Variants in EIF3L observed in about 807,000 individuals in gnomAD.
EIF3L encodes the protein eIEF associated protein HSPC021.
EIF3L carries 32 observed loss-of-function variants against 74.6 expected under a neutral mutation model. The ratio of observed to expected loss-of-function variants is 0.43; its 90% CI spans 0.32 to 0.58. The LOEUF (loss-of-function observed/expected upper bound fraction) is 0.58. EIF3L is among the 20% of genes least tolerant of loss of function. The pLI is 0.06. For missense variants in EIF3L, 474 were observed against 707.8 expected (o/e 0.67, Z 3.75); for synonymous variants, 256 against 254.4 (o/e 1.01, Z -0.06).
chr22:37,876,197 AC>A, intron 10 of EIF3L, 186 bp downstream of exon 10: 1 of 593,290 alleles, frequency 1.7e-6, no homozygotes, highest in Non-Finnish European at 2.9e-6. Flanking sequence ...TGACGCAGTC[AC>A]AGCTCACGTC....
chr22:37,877,573 A>G, intron 10 of EIF3L, 101 bp from the exon 11 acceptor site: 2 of 1,376,546 alleles, frequency 1.5e-6, no homozygotes, highest in Non-Finnish European at 2.0e-6. Flanking sequence ...ACAACTGGGT[A>G]AGTCAAAGAT....
intron 3 of EIF3L, among the ~76,000 whole-genome samples, chr22:37,853,602 C>G (rs1021463383): frequency 2.6e-5 from 4 of 152,090 alleles, no homozygotes; most frequent in Admixed American, 6.6e-5. Flanking sequence ...GAGCGAGACC[C>G]TCTCTCAAAA....
At chr22:37,855,507 T>C in intron 3 of EIF3L, 58 bp from the exon 4 acceptor site, 1 of 1,483,874 alleles carries the variant, frequency 6.7e-7, no homozygotes, top group Non-Finnish European at 9.4e-7. Flanking sequence ...TGTAAAATGT[T>C]AGGATTGGCA....
intron 5 of EIF3L, among the ~76,000 whole-genome samples, chr22:37,862,717 G>A (rs1925922040): frequency 6.6e-6 from 1 of 152,008 alleles, no homozygotes; most frequent in African/African-American, 2.4e-5. Flanking sequence ...TCTCTGCTTT[G>A]CCAGATCATC....
In EIF3L at chr22:37,868,634, C is replaced by CTTTTTTTTTTTTTTT. The variant is rs71195065; in HGVS notation, c.580-1531_580-1517dup. Among the ~76,000 whole-genome samples, 18 of 25,124 alleles carry CTTTTTTTTTTTTTTT rather than the reference C, an allele frequency of 7.2e-4. 5 individuals carry two copies. Among genetic ancestry groups the CTTTTTTTTTTTTTTT allele is most frequent in the Non-Finnish European group, 1.4e-3 (18 of 12,812 alleles). 16.5% of individuals were successfully genotyped at this position (25,124 alleles called of 152,430 possible). The stretch of plus-strand genomic sequence containing the variant: ...ACACCTGGCTATTTTTGTTTTGGTG[C>CTTTTTTTTTTTTTTT]TTTTTTTTTTTTTTTTTTTTTTTTT... On this transcript the variant is annotated intron_variant, in intron 7 of 12. Coordinates refer to ENST00000652021, the MANE Select transcript of EIF3L (RefSeq NM_016091.4).
chr22:37,868,679 G>C (rs543377473), intron 7 of EIF3L, among the ~76,000 whole-genome samples: 24 of 74,352 alleles, frequency 3.2e-4, no homozygotes, highest in African/African-American at 1.2e-3. Context: ...TTTTGCTCTT[G>C]TTGCCCAGGC....
intron 8 of EIF3L, among the ~76,000 whole-genome samples, chr22:37,871,540 G>T (rs936733349): frequency 6.6e-6 from 1 of 152,084 alleles, no homozygotes; most frequent in Non-Finnish European, 1.5e-5. Context: ...AAAAATAAAT[G>T]AATTTTATGT....
At chr22:37,856,571 G>A (rs2413491) in intron 4 of EIF3L, among the ~76,000 whole-genome samples, 87,611 of 151,864 alleles carry the variant, frequency 0.58, 25,663 homozygotes, top group East Asian at 0.86. Context: ...TAGGCCGGGC[G>A]CAGTGGCTCA....
At chr22:37,881,116 A>T (rs1927025536) in intron 11 of EIF3L, 1 of 152,268 alleles carries the variant, frequency 6.6e-6, no homozygotes, top group Admixed American at 6.5e-5. Context: ...CCAGAAGGAT[A>T]CACAAGCAAC....
rs186712374 is a variant in EIF3L, at chr22:37,866,833, A to G, written c.580-3343A>G. Among the ~76,000 whole-genome samples, 1,253 of 152,296 alleles carry G rather than the reference A, an allele frequency of 8.2e-3. 19 individuals carry two copies. Among genetic ancestry groups the G allele is most frequent in the African/African-American group, 0.029 (1,195 of 41,568 alleles). On this transcript the variant is annotated intron_variant, in intron 7 of 12. Coordinates refer to ENST00000652021, the MANE Select transcript of EIF3L (RefSeq NM_016091.4). ...CAGGTGTGAACCACCATGCCCAGCC[A>G]TGAGGTGTAGTTTAATATACAATAA...
intron 4 of EIF3L, among the ~76,000 whole-genome samples, chr22:37,856,264 A>G (rs923856046): frequency 3.3e-5 from 5 of 151,902 alleles, no homozygotes; most frequent in African/African-American, 1.2e-4. Context: ...TTTAGTAGAG[A>G]CGGGGTTTCA....
At chr22:37,877,066 C>T (rs1485263753) in intron 10 of EIF3L, 2 of 152,416 alleles carry the variant, frequency 1.3e-5, no homozygotes, top group Admixed American at 6.5e-5. Context: ...GTTGTGTGAA[C>T]ATCATAGAAT....
chr22:37,849,657 G>C (rs1925055199), intron 1 of EIF3L, 175 bp downstream of exon 1: 2 of 698,372 alleles, frequency 2.9e-6, no homozygotes, highest in East Asian at 5.4e-5. Flanking sequence ...GGCTCTGCCC[G>C]CCCACTTCGC....
At chr22:37,877,378 G>A (rs564400574) in intron 10 of EIF3L, 7 of 328,828 alleles carry the variant, frequency 2.1e-5, no homozygotes, top group East Asian at 9.9e-5. Flanking sequence ...TGGGTAACTC[G>A]ATCCTAACTG....
At chr22:37,865,000 C>G (rs8142345) in intron 7 of EIF3L, among the ~76,000 whole-genome samples, 9 of 152,120 alleles carry the variant, frequency 5.9e-5, no homozygotes, top group African/African-American at 2.2e-4. Flanking sequence ...AATTAATACA[C>G]GTTGCCTGTT....
chr22:37,862,920 A>G, intron 5 of EIF3L, 49 bp from the exon 6 acceptor site: 1 of 1,418,100 alleles, frequency 7.1e-7, no homozygotes, highest in South Asian at 1.2e-5. Flanking sequence ...TGGGTAAAAC[A>G]CATTAAAATT....
chr22:37,849,688 TC>T, intron 1 of EIF3L: 1 of 630,460 alleles, frequency 1.6e-6, no homozygotes, highest in East Asian at 2.8e-5. Context: ...GGCTTGTCCT[TC>T]CCCTTTCTAA....
At chr22:37,871,405 G>T (rs759145177) in intron 8 of EIF3L, 4 of 152,180 alleles carry the variant, frequency 2.6e-5, no homozygotes, top group Non-Finnish European at 4.4e-5. Flanking sequence ...ACATGACGCC[G>T]TAAGTAGAAA....
At chr22:37,885,622 A>T (rs1014158810) in intron 11 of EIF3L, 2 of 151,802 alleles carry the variant, frequency 1.3e-5, no homozygotes, top group African/African-American at 4.8e-5. Flanking sequence ...CAATTTTATC[A>T]ACAGTGTAGG....
Sources: gnomAD v4.1 joint callset for allele counts (sites outside exome capture counted in the v4.1 genomes callset) on GRCh38, gnomAD v4.1.1 for gene constraint, MANE v1.5 for transcripts, NCBI Gene and HGNC (gene_info 2026-07-23, HGNC 2026-07-21) for gene names.